MAGI2: variants seen among roughly 807,000 people sequenced by gnomAD.
MAGI2 encodes the protein membrane-associated guanylate kinase, WW and PDZ domain-containing protein 2.
MAGI2 carries 35 observed loss-of-function variants against 133.3 expected under a neutral mutation model. The ratio of observed to expected loss-of-function variants is 0.26; its 90% CI spans 0.20 to 0.35. The LOEUF (loss-of-function observed/expected upper bound fraction) is 0.35. Among genes scored for constraint, MAGI2 ranks in the 10% least tolerant of loss-of-function variants. The probability of loss-of-function intolerance (pLI) is 1.00; values close to 1 mark genes in which losing one functional copy is unlikely to be tolerated. For synonymous variants in MAGI2, 729 were observed against 710.6 expected (o/e 1.03, Z -0.41); for missense variants, 1,636 against 1,863.4 (o/e 0.88, Z 2.25).
intron 2 of MAGI2, among the ~76,000 whole-genome samples, chr7:78,781,700 T>C (rs1220701526): frequency 2.6e-5 from 4 of 152,074 alleles, no homozygotes; most frequent in African/African-American, 7.2e-5. Context: ...AGTAAAAAAT[T>C]ATATTAGAAA....
intron 2 of MAGI2, among the ~76,000 whole-genome samples, chr7:78,862,643 A>G (rs571457880): frequency 6.6e-6 from 1 of 152,292 alleles, no homozygotes; most frequent in South Asian, 2.1e-4. Flanking sequence ...TCTCTCAAGC[A>G]TAGAGTTAAT....
At chr7:78,912,097 C>A (rs1294698976) in intron 2 of MAGI2, among the ~76,000 whole-genome samples, 3 of 152,078 alleles carry the variant, frequency 2.0e-5, no homozygotes, top group Admixed American at 6.5e-5. Flanking sequence ...TTAAAAACTT[C>A]CAATGATATT....
At chr7:78,893,066 A>C (rs911601573) in intron 2 of MAGI2, among the ~76,000 whole-genome samples, 12 of 151,968 alleles carry the variant, frequency 7.9e-5, no homozygotes, top group African/African-American at 2.7e-4. Flanking sequence ...AAAAGTGGGC[A>C]AAGGATATGA....
intron 3 of MAGI2, among the ~76,000 whole-genome samples, chr7:78,602,807 A>G (rs1452140478): frequency 6.6e-6 from 1 of 152,226 alleles, no homozygotes; most frequent in East Asian, 1.9e-4. Context: ...TATTATTAGA[A>G]AAAAATAAAT....
intron 2 of MAGI2, among the ~76,000 whole-genome samples, chr7:78,644,772 A>G (rs1271395777): frequency 6.6e-6 from 1 of 152,150 alleles, no homozygotes; most frequent in Admixed American, 6.5e-5. Flanking sequence ...AAGAAAGGGA[A>G]TAATAAAAAT....
chr7:78,108,725 TG>T (rs1818979695), intron 20 of MAGI2, among the ~76,000 whole-genome samples: 2 of 146,750 alleles, frequency 1.4e-5, no homozygotes, highest in Non-Finnish European at 3.1e-5. Flanking sequence ...TATATGTGTG[TG>T]TATACACACA....
At chr7:79,292,193 C>T (rs985957791) in intron 1 of MAGI2, among the ~76,000 whole-genome samples, 10 of 152,070 alleles carry the variant, frequency 6.6e-5, no homozygotes, top group African/African-American at 1.2e-4. Context: ...TTGTCAAAAA[C>T]GAATTTGCCA....
At chr7:79,161,133 A>G (rs1824311036) in intron 1 of MAGI2, among the ~76,000 whole-genome samples, 1 of 152,054 alleles carries the variant, frequency 6.6e-6, no homozygotes, top group African/African-American at 2.4e-5. Context: ...TACATAAGGT[A>G]GTTGTAACCC....
chr7:78,619,101 T>C (rs909481630), intron 3 of MAGI2: 1 of 150,172 alleles, frequency 6.7e-6, no homozygotes, highest in Non-Finnish European at 1.5e-5. Flanking sequence ...TTAGTTTGAC[T>C]AGGTCATTCC....
intron 15 of MAGI2, among the ~76,000 whole-genome samples, chr7:78,165,583 C>A (rs1000841863): frequency 6.6e-6 from 1 of 152,142 alleles, no homozygotes; most frequent in African/African-American, 2.4e-5. Flanking sequence ...TTCTTCCTAG[C>A]CCTTTTCCCA....
intron 3 of MAGI2, among the ~76,000 whole-genome samples, chr7:78,595,118 T>G (rs1804458845): frequency 6.6e-6 from 1 of 151,332 alleles, no homozygotes; most frequent in Admixed American, 6.6e-5. Flanking sequence ...ATCTAGTTAC[T>G]GGGCCACAGG....
chr7:78,505,549 T>C (rs1378005545), intron 4 of MAGI2, among the ~76,000 whole-genome samples: 1 of 152,198 alleles, frequency 6.6e-6, no homozygotes, highest in Non-Finnish European at 1.5e-5. Context: ...AAATGTCACG[T>C]TGCACTGAAA....
At chr7:78,813,629 C>CA (rs1438946423) in intron 2 of MAGI2, among the ~76,000 whole-genome samples, 1 of 151,502 alleles carries the variant, frequency 6.6e-6, no homozygotes, top group Non-Finnish European at 1.5e-5. Context: ...ACTAGAAATG[C>CA]AAAAAAATTG....
In MAGI2 at chr7:78,290,693, T is replaced by C. The variant is rs185640824; in HGVS notation, c.1409-34112A>G. ...CTTATTCCAAAATTGACCACACACT[T>C]GGAAGTAAAGCACTCCTCAGCAAAT... On this transcript the variant is annotated intron_variant, in intron 9 of 21. Transcript: ENST00000354212. Among the ~76,000 whole-genome samples, 360 of 152,304 alleles carry C rather than the reference T, an allele frequency of 2.4e-3. 1 individual carries two copies. The highest frequency in any genetic ancestry group is 8.2e-3 in the African/African-American group (341 of 41,554).
intron 3 of MAGI2, among the ~76,000 whole-genome samples, chr7:78,544,451 G>T (rs1452611974): frequency 6.6e-6 from 1 of 152,174 alleles, no homozygotes; most frequent in African/African-American, 2.4e-5. Context: ...TTACTTAATA[G>T]TTTGTCATTT....
At chr7:78,136,841 T>G (rs767796754) in intron 16 of MAGI2, among the ~76,000 whole-genome samples, 26 of 152,218 alleles carry the variant, frequency 1.7e-4, no homozygotes, top group Non-Finnish European at 2.6e-4. Context: ...GGAAGGACAA[T>G]TAGTGATTTA....
At chr7:78,174,523 T>C (rs1826408156) in intron 14 of MAGI2, among the ~76,000 whole-genome samples, 1 of 152,272 alleles carries the variant, frequency 6.6e-6, no homozygotes, top group Admixed American at 6.5e-5. Flanking sequence ...TCATTTGATA[T>C]CTTTTAAGCA....
At chr7:78,665,138 T>A (rs1242230567) in intron 2 of MAGI2, among the ~76,000 whole-genome samples, 3 of 152,084 alleles carry the variant, frequency 2.0e-5, no homozygotes, top group Admixed American at 1.3e-4. Flanking sequence ...AGGGTCAAAT[T>A]TGTATACATA....
intron 9 of MAGI2, among the ~76,000 whole-genome samples, chr7:78,307,702 G>C (rs978117097): frequency 6.6e-6 from 1 of 152,176 alleles, no homozygotes; most frequent in Non-Finnish European, 1.5e-5. Flanking sequence ...TCTAAGCATA[G>C]AGGAGGAGAA....
Sources: allele counts gnomAD v4.1 joint callset (sites outside exome capture counted in the v4.1 genomes callset), GRCh38; gene constraint gnomAD v4.1.1; transcripts MANE v1.5; gene names NCBI Gene and HGNC (gene_info 2026-07-23, HGNC 2026-07-21).